ENO2: variants seen among roughly 807,000 people sequenced by gnomAD.
ENO2 encodes gamma-enolase.
A neutral mutation model predicts 48.7 loss-of-function variants in ENO2; 19 were observed. That is an observed-to-expected ratio of 0.39 (90% CI 0.27 to 0.57). ENO2 has a LOEUF of 0.57. ENO2 is among the 20% of genes least tolerant of loss of function. The probability of loss-of-function intolerance (pLI) is 0.58; values close to 1 mark genes in which losing one functional copy is unlikely to be tolerated. For missense variants in ENO2, 416 were observed against 555.0 expected (o/e 0.75, Z 2.52); for synonymous variants, 198 against 213.4 (o/e 0.93, Z 0.63).
chr12:6,918,850 C>T (rs921895925), intron 7 of ENO2, among the ~76,000 whole-genome samples: 5 of 151,594 alleles, frequency 3.3e-5, no homozygotes, highest in Non-Finnish European at 7.4e-5. Flanking sequence ...GGCATGGTGG[C>T]GTGTGCCTGT....
chr12:6,919,474 C>G, intron 7 of ENO2, 92 bp from the exon 8 acceptor site: 1 of 1,427,368 alleles, frequency 7.0e-7, no homozygotes. Context: ...AGGAACAGCC[C>G]TCCACCTCTG....
At chr12:6,915,121 G>C (rs1291957583) in intron 1 of ENO2, 1 of 152,514 alleles carries the variant, frequency 6.6e-6, no homozygotes, top group Non-Finnish European at 1.5e-5. Context: ...CTGCTGCACG[G>C]GGGAGAGATG....
Position 6,923,158 on chromosome 12 carries a change from C to T in ENO2, c.*358C>T, listed in dbSNP as rs1555142297. 1 of 284,048 alleles carries T rather than the reference C, an allele frequency of 3.5e-6. No individual in the cohort carries two copies. Among genetic ancestry groups the T allele is most frequent in the African/African-American group, 2.2e-5 (1 of 46,358 alleles). 17.6% of individuals were successfully genotyped at this position (284,048 alleles called of 1,614,324 possible). On this transcript the variant is annotated 3_prime_UTR_variant, in exon 12 of 12. Transcript: ENST00000229277. The stretch of plus-strand genomic sequence containing the variant: ...GTGTGCTGAGGTGTTAGAGAGGGAC[C>T]ATGTGTCACTTGTGCTTTGCTCTTG...
chr12:6,921,400 A>G (rs1945339347), intron 8 of ENO2, 181 bp from the exon 9 acceptor site: 2 of 629,302 alleles, frequency 3.2e-6, no homozygotes, highest in Admixed American at 6.0e-5. Context: ...CAAAAAAAAA[A>G]AAAAAGTTAA....
In ENO2 at chr12:6,919,603, C is replaced by T; in HGVS notation, c.705C>T (p.Gly235=). ...TGAAGGAAGCCATCGACAAGGCTGG[C>T]TACACGGAAAAGATCGTTATTGGCA... ...ELVKEAIDKA[G]YTEKIVIGMD... The change falls in exon 8 of 12, where the codon GGC becomes GGT. Residue 235 remains glycine, a synonymous_variant. Coordinates refer to ENST00000229277, the MANE Select transcript of ENO2 (RefSeq NM_001975.3). 1 of 1,614,100 alleles carries T rather than the reference C, an allele frequency of 6.2e-7. No homozygotes were observed.
Position 6,916,935 on chromosome 12 carries a change from G to T in ENO2, c.241-103G>T, listed in dbSNP as rs942386828. On this transcript the variant is annotated intron_variant, in intron 4 of 11. Transcript: ENST00000229277. The surrounding 1 kb of genome is among the most constrained non-coding windows in gnomAD (Gnocchi z 4.5). Reference sequence around the variant, plus strand: ...GGTAGGCCCCTGTCACAGGGACCTGGTTGGACCCTGGCCAAATGTGAGCTT... The same window carrying T: ...GGTAGGCCCCTGTCACAGGGACCTGTTTGGACCCTGGCCAAATGTGAGCTT... 1.3e-6 allele frequency: 2 copies of T among 1,536,238 alleles called. No individual in the cohort carries two copies. The highest frequency in any genetic ancestry group is 1.1e-5 in the South Asian group (1 of 88,838).
In ENO2 at chr12:6,916,030, C is replaced by T; in HGVS notation, c.85+113C>T. Reference sequence around the variant, plus strand: ...TACCCAGGGGTATGGGGTGCTGGGCCAGGCTCACAAGCCTGGGTTGTGGCG... The same window carrying T: ...TACCCAGGGGTATGGGGTGCTGGGCTAGGCTCACAAGCCTGGGTTGTGGCG... On this transcript the variant is annotated intron_variant, in intron 2 of 11. Coordinates refer to ENST00000229277, the MANE Select transcript of ENO2 (RefSeq NM_001975.3). The surrounding 1 kb of genome is among the most constrained non-coding windows in gnomAD (Gnocchi z 4.5). The T allele has an allele frequency of 9.0e-7, 1 of 1,108,104 alleles. No homozygotes were observed. Among genetic ancestry groups the T allele is most frequent in the Non-Finnish European group, 1.3e-6 (1 of 745,610 alleles). 68.6% of individuals were successfully genotyped at this position (1,108,104 alleles called of 1,614,324 possible).
chr12:6,918,078 GTCA>G lies in ENO2; in HGVS notation c.587_589del (p.Ile196del), dbSNP rs1555141810. 6.2e-7 allele frequency: 1 copy of G among 1,614,184 alleles called. No homozygotes were observed. Among genetic ancestry groups the G allele is most frequent in the Non-Finnish European group, 8.5e-7 (1 of 1,180,036 alleles). ...AGAGGTCTACCATACACTCAAGGGA[GTCA>G]TCAAGGACAAATACGGCAAGGATGC... On this transcript the variant is annotated inframe_deletion, in exon 7 of 12. Coordinates refer to ENST00000229277, the MANE Select transcript of ENO2 (RefSeq NM_001975.3).
intron 5 of ENO2, 26 bp downstream of exon 5, chr12:6,917,133 G>T (rs1945298743): frequency 6.2e-7 from 1 of 1,613,516 alleles, no homozygotes; most frequent in African/African-American, 1.3e-5. Flanking sequence ...GAGAAAGTGG[G>T]GAAGCGTCAG....
chr12:6,917,277 C>T lies in ENO2; in HGVS notation c.310+170C>T, dbSNP rs1301415492. 30 of 824,768 alleles carry T rather than the reference C, an allele frequency of 3.6e-5. 1 individual carries two copies. The highest frequency in any genetic ancestry group is 3.0e-4 in the South Asian group (17 of 57,468). 51.1% of individuals were successfully genotyped at this position (824,768 alleles called of 1,614,324 possible). A position where few individuals can be genotyped will look rare whatever the true frequency, so the allele number is the denominator to read the frequency against. On this transcript the variant is annotated intron_variant, in intron 5 of 11. Transcript: ENST00000229277. ...TGAGTTTAGCTGCAGAGGGAAGGAC[C>T]GACAGTAGGCAGAAGGAAGACCTTC... is the stretch of plus-strand genomic sequence containing the variant.
chr12:6,916,919 C>T lies in ENO2; in HGVS notation c.241-119C>T, dbSNP rs1417505800. 5.4e-6 allele frequency: 8 copies of T among 1,472,544 alleles called. No individual in the cohort carries two copies. In the African/African-American group the frequency reaches 8.4e-5, roughly 15 times the overall value. The allele number at this position is 1,472,544 out of a possible 1,614,324, so 91.2% of individuals were successfully genotyped here. On this transcript the variant is annotated intron_variant, in intron 4 of 11. Transcript: ENST00000229277. This position sits in a 1 kb window ranked among gnomAD's most constrained non-coding sequence, Gnocchi z 4.5. ...CAGGTCCCCTAATCCAGGTAGGCCC[C>T]TGTCACAGGGACCTGGTTGGACCCT... is the stretch of plus-strand genomic sequence containing the variant.
rs1555142133 is a variant in ENO2, at chr12:6,921,757, G to A, written c.1042G>A (p.Gly348Ser). The change falls in exon 9 of 12, where the codon GGC (glycine) becomes AGC (serine). Residue 348 changes from glycine to serine, a missense_variant. Gly to Ser is a moderately conservative substitution (Grantham distance 56, BLOSUM62 0). Transcript: ENST00000229277. ...TCTGCTGCTCAAGGTCAACCAGATC[G>A]GCTCGGTCACTGAAGCCATCCAAGC... is the stretch of plus-strand genomic sequence containing the variant. ...NCLLLKVNQIGSVTEAIQACK... is the reference protein window; with the variant it reads ...NCLLLKVNQISSVTEAIQACK... 6 of 1,614,138 alleles carry A rather than the reference G, an allele frequency of 3.7e-6. No homozygotes were observed. Among genetic ancestry groups the A allele is most frequent in the Non-Finnish European group, 5.1e-6 (6 of 1,180,026 alleles).
intron 1 of ENO2, 61 bp from the exon 2 acceptor site, chr12:6,915,760 T>C (rs1565557744): frequency 8.6e-7 from 1 of 1,165,964 alleles, no homozygotes; most frequent in Non-Finnish European, 1.2e-6. Context: ...CGCCCATTGA[T>C]CTCAGGCTCC....
chr12:6,915,574 T>A, intron 1 of ENO2: 1 of 509,256 alleles, frequency 2.0e-6, no homozygotes, highest in Non-Finnish European at 3.6e-6. Context: ...TCTCATCATT[T>A]GATCTTACCC....
chr12:6,917,268 G>A, intron 5 of ENO2, 161 bp downstream of exon 5: 1 of 889,286 alleles, frequency 1.1e-6, no homozygotes, highest in East Asian at 2.6e-5. Flanking sequence ...TAGCTGCAGA[G>A]GGAAGGACCG....
At position 6,922,169 on chromosome 12, in the gene ENO2, G is replaced by C; in HGVS notation, c.1176+5G>C. 1 of 1,613,278 alleles carries C rather than the reference G, an allele frequency of 6.2e-7. No homozygotes were observed. The highest frequency in any genetic ancestry group is 1.1e-5 in the South Asian group (1 of 91,024). ...GTGGGGCTGTGCACAGGCCAGGTGAGTGAGGCAGCCTGGTGAGTGAAGAGA... is the reference window on the plus strand; with the variant it reads ...GTGGGGCTGTGCACAGGCCAGGTGACTGAGGCAGCCTGGTGAGTGAAGAGA... On this transcript the variant is annotated splice_donor_5th_base_variant and intron_variant, in intron 10 of 11. Transcript: ENST00000229277. The surrounding 1 kb of genome is among the most constrained non-coding windows in gnomAD (Gnocchi z 5.3).
chr12:6,917,762 G>A (rs1383101772), intron 6 of ENO2, 48 bp downstream of exon 6: 5 of 1,570,858 alleles, frequency 3.2e-6, no homozygotes, highest in Non-Finnish European at 4.4e-6. Context: ...GGTGGGGGAG[G>A]GAGCATGCAA....
chr12:6,915,983 G>A lies in ENO2; in HGVS notation c.85+66G>A, dbSNP rs559059342. The stretch of plus-strand genomic sequence containing the variant: ...TCCACGGCCAGGCTGGGTTCGGCCA[G>A]GGGTTCGGAGGCCTTTTTTGATACC... On this transcript the variant is annotated intron_variant, in intron 2 of 11. Coordinates refer to ENST00000229277, the MANE Select transcript of ENO2 (RefSeq NM_001975.3). The A allele has an allele frequency of 2.1e-3, 3,296 of 1,561,920 alleles. 24 individuals are homozygous for A. Among genetic ancestry groups the A allele is most frequent in the South Asian group, 4.9e-3 (443 of 90,074 alleles).
chr12:6,921,982 A>C lies in ENO2; in HGVS notation c.1068-74A>C, dbSNP rs1349528951. 3.8e-6 allele frequency: 6 copies of C among 1,595,206 alleles called. No homozygotes were observed. The African/African-American group carries it at 8.1e-5, about 21-fold the overall frequency. ...AGCTTTCCCCTAGATGTTTCCTGAC[A>C]TAGACCAAGGTTGGGGCTGGGAAGA... On this transcript the variant is annotated intron_variant, in intron 9 of 11. Transcript: ENST00000229277.
Sources: gnomAD v4.1 joint callset for allele counts (sites outside exome capture counted in the v4.1 genomes callset) on GRCh38, gnomAD v4.1.1 for gene constraint, Gnocchi (gnomAD v3.1) non-coding constraint, MANE v1.5 for transcripts, NCBI Gene and HGNC (gene_info 2026-07-23, HGNC 2026-07-21) for gene names.